The following LIMK2 variants were observed in gnomAD, a reference collection of about 807,000 sequenced individuals.
LIMK2 encodes LIM domain kinase 2.
In LIMK2, 35 loss-of-function variants were observed where a neutral mutation model predicts 75.7. The observed-to-expected ratio is 0.46, with a 90% confidence interval of 0.35 to 0.61. The LOEUF (loss-of-function observed/expected upper bound fraction) is 0.61. Ranked by LOEUF, LIMK2 falls within the 20% of genes least tolerant of loss-of-function variation. LIMK2 has a pLI of 0.00. For synonymous variants in LIMK2, 301 were observed against 319.2 expected, an observed-to-expected ratio of 0.94 and a Z score of 0.61; for missense variants, 623 against 831.0, an observed-to-expected ratio of 0.75 and a Z score of 3.08.
At chr22:31,261,393 A>G (rs893566174) in intron 5 of LIMK2, among the ~76,000 whole-genome samples, 3 of 152,154 alleles carry the variant, frequency 2.0e-5, no homozygotes, top group African/African-American at 7.2e-5. Flanking sequence ...TAAAAGTACA[A>G]AAATTAGCCG....
chr22:31,275,142 A>G lies in LIMK2; in HGVS notation c.1615-9A>G, dbSNP rs747682290. 16 of 1,613,908 alleles carry G rather than the reference A, an allele frequency of 9.9e-6. No homozygotes were observed. In the South Asian group the frequency reaches 1.8e-4, roughly 18 times the overall value. The stretch of plus-strand genomic sequence containing the variant: ...GTCCTTTGTAAACAGCTGTCTTCTT[A>G]CCCTACAGATCATTGGGCAGGTGTA... On this transcript the variant is annotated splice_polypyrimidine_tract_variant and intron_variant, in intron 14 of 15. Coordinates refer to ENST00000331728, the MANE Select transcript of LIMK2 (RefSeq NM_005569.4).
Position 31,279,193 on chromosome 22 carries a change from C to G in LIMK2, c.*752C>G, listed in dbSNP as rs1455624401. 1 of 152,274 alleles carries G rather than the reference C, an allele frequency of 6.6e-6. No individual in the cohort carries two copies. Among genetic ancestry groups the G allele is most frequent in the African/African-American group, 2.4e-5 (1 of 41,466 alleles). The allele number at this position is 152,274 out of a possible 1,614,324, so 9.4% of individuals were successfully genotyped here. ...CCTTTCTGTCTGAAACAAACAGTCA[C>G]AAGCAAAGGAAGAGGCTGGGGGACT... On this transcript the variant is annotated 3_prime_UTR_variant, in exon 16 of 16. Transcript: ENST00000331728.
intron 1 of LIMK2, among the ~76,000 whole-genome samples, chr22:31,217,687 T>C (rs1348727494): frequency 6.6e-6 from 1 of 152,216 alleles, no homozygotes; most frequent in Non-Finnish European, 1.5e-5. Context: ...ATAAAGATAT[T>C]TTTATAGGCC....
intron 2 of LIMK2, among the ~76,000 whole-genome samples, chr22:31,250,089 C>T (rs1317906944): frequency 6.6e-6 from 1 of 151,988 alleles, no homozygotes; most frequent in African/African-American, 2.4e-5. Flanking sequence ...GGTTTGTTTT[C>T]CTCTCCTAGC....
intron 2 of LIMK2, among the ~76,000 whole-genome samples, chr22:31,233,469 G>T (rs1175489654): frequency 2.0e-5 from 3 of 152,034 alleles, no homozygotes; most frequent in Non-Finnish European, 4.4e-5. Context: ...TCCAGCTCTG[G>T]GATGTTACCA....
At chr22:31,269,066 T>G (rs10687042) in intron 11 of LIMK2, among the ~76,000 whole-genome samples, 45 of 56,454 alleles carry the variant, frequency 8.0e-4, no homozygotes, top group South Asian at 1.6e-3. Flanking sequence ...TTTTTTGTTT[T>G]TTTTTCCTGT....
chr22:31,213,197 A>G (rs1192511232), intron 1 of LIMK2, among the ~76,000 whole-genome samples: 1 of 152,092 alleles, frequency 6.6e-6, no homozygotes, highest in Non-Finnish European at 1.5e-5. Context: ...TGGAAGGAAG[A>G]GTTGTCTAAG....
intron 15 of LIMK2, 94 bp from the exon 16 acceptor site, chr22:31,278,203 A>T: frequency 1.8e-6 from 2 of 1,141,074 alleles, no homozygotes; most frequent in Non-Finnish European, 2.5e-6. Context: ...CTGACGTTAT[A>T]CAACCAGGAA....
chr22:31,262,792 G>C lies in LIMK2; in HGVS notation c.854+1G>C. ...GGACACTGAGGAGACGTTCCCTAAG[G>C]TGCCACCTCCCACCCTGGCTCTGTT... On this transcript the variant is annotated splice_donor_variant, in intron 7 of 15. Transcript: ENST00000331728. LOFTEE classifies it high-confidence loss of function. The surrounding 1 kb of genome is among the most constrained non-coding windows in gnomAD (Gnocchi z 5.0). 1 of 1,594,418 alleles carries C rather than the reference G, an allele frequency of 6.3e-7. No homozygotes were observed. The highest frequency in any genetic ancestry group is 8.6e-7 in the Non-Finnish European group (1 of 1,168,604).
At chr22:31,258,503 T>C in intron 3 of LIMK2, 77 bp downstream of exon 3, 5 of 1,478,754 alleles carry the variant, frequency 3.4e-6, no homozygotes, top group Admixed American at 1.9e-5. Flanking sequence ...CTGTGGCCTG[T>C]TAATCTTTTA....
intron 1 of LIMK2, 118 bp downstream of exon 1, chr22:31,212,542 GAGCTCCTCAGAAA>G (rs1164043898): frequency 5.9e-6 from 6 of 1,021,526 alleles, no homozygotes; most frequent in Non-Finnish European, 7.7e-6. Context: ...TCGTGGGTCC[GAGCTCCTCAGAAA>G]AGCTGGGAGG....
chr22:31,236,931 C>CACAAA (rs2048581231), intron 2 of LIMK2, among the ~76,000 whole-genome samples: 2 of 144,686 alleles, frequency 1.4e-5, no homozygotes, highest in African/African-American at 5.1e-5. Context: ...AATAAATAAA[C>CACAAA]ATAAAATAAA....
intron 2 of LIMK2, among the ~76,000 whole-genome samples, chr22:31,232,163 G>C (rs1481876283): frequency 6.6e-6 from 1 of 151,064 alleles, no homozygotes; most frequent in Non-Finnish European, 1.5e-5. Context: ...GAAAGGTTTG[G>C]AGTAACTTGT....
intron 2 of LIMK2, among the ~76,000 whole-genome samples, chr22:31,240,324 G>A (rs566317985): frequency 2.0e-5 from 3 of 152,172 alleles, no homozygotes; most frequent in East Asian, 1.9e-4. Context: ...CAGAAGCACC[G>A]TTTCTGAAGT....
At chr22:31,248,592 G>A (rs1476095594) in intron 2 of LIMK2, 14 of 1,608,560 alleles carry the variant, frequency 8.7e-6, no homozygotes, top group African/African-American at 1.3e-5. Context: ...GGTGAGCTCA[G>A]GGCAGCCTGC....
chr22:31,260,439 G>T (rs550473497), intron 5 of LIMK2, among the ~76,000 whole-genome samples: 14 of 152,306 alleles, frequency 9.2e-5, no homozygotes, highest in African/African-American at 3.4e-4. Flanking sequence ...AGTGCTGCAT[G>T]CCCAGGGCTT....
chr22:31,220,025 C>T (rs1455434399), intron 1 of LIMK2, among the ~76,000 whole-genome samples: 4 of 152,208 alleles, frequency 2.6e-5, no homozygotes, highest in Non-Finnish European at 1.5e-5. Context: ...GATTGATCCT[C>T]CACTAGGCTT....
At chr22:31,231,913 C>G (rs1323911530) in intron 2 of LIMK2, among the ~76,000 whole-genome samples, 1 of 152,132 alleles carries the variant, frequency 6.6e-6, no homozygotes, top group Non-Finnish European at 1.5e-5. Flanking sequence ...ACCTCCTGAG[C>G]TCAAGCAATC....
intron 2 of LIMK2, among the ~76,000 whole-genome samples, chr22:31,227,771 T>C (rs893025520): frequency 6.6e-6 from 1 of 152,222 alleles, no homozygotes; most frequent in Non-Finnish European, 1.5e-5. Context: ...TGTATGAATA[T>C]TTTCTATCCA....
Sources: gnomAD v4.1 joint callset for allele counts (sites outside exome capture counted in the v4.1 genomes callset) on GRCh38, gnomAD v4.1.1 for gene constraint, Gnocchi (gnomAD v3.1) non-coding constraint, MANE v1.5 for transcripts, NCBI Gene and HGNC (gene_info 2026-07-23, HGNC 2026-07-21) for gene names.